The following PLD5 variants were observed in gnomAD, a reference collection of about 807,000 sequenced individuals.
The protein encoded by PLD5 is inactive phospholipase D5.
PLD5 carries 36 observed loss-of-function variants against 61.1 expected under a neutral mutation model. The observed-to-expected ratio is 0.59, with a 90% CI of 0.45 to 0.78. The LOEUF (loss-of-function observed/expected upper bound fraction) is 0.78, where lower values mean the gene tolerates loss of function less well. Ranked by LOEUF, PLD5 falls within the 30% of genes least tolerant of loss-of-function variation. The pLI, the probability that PLD5 is intolerant of heterozygous loss-of-function variation, is 0.00. For missense variants in PLD5, 515 were observed against 644.4 expected (o/e 0.80, Z 2.17); for synonymous variants, 243 against 242.8 (o/e 1.00, Z -0.01).
chr1:242,149,384 A>C (rs1388342100), intron 5 of PLD5, among the ~76,000 whole-genome samples: 2 of 151,814 alleles, frequency 1.3e-5, no homozygotes, highest in African/African-American at 4.8e-5. Context: ...TTAATTTGCT[A>C]GTATGTTATT....
intron 4 of PLD5, among the ~76,000 whole-genome samples, chr1:242,242,750 T>C (rs1212483072): frequency 1.3e-5 from 2 of 152,248 alleles, no homozygotes; most frequent in African/African-American, 4.8e-5. Context: ...GTTGGAACTA[T>C]CACTAACTAT....
chr1:242,257,034 TACCTTCTA>T (rs1024878305), intron 4 of PLD5, among the ~76,000 whole-genome samples: 1 of 114,472 alleles, frequency 8.7e-6, no homozygotes, highest in South Asian at 3.1e-4. Context: ...TCTACCTACC[TACCTTCTA>T]TCTATCTATC....
At chr1:242,148,442 T>C (rs1203387975) in intron 5 of PLD5, among the ~76,000 whole-genome samples, 1 of 151,364 alleles carries the variant, frequency 6.6e-6, no homozygotes. Flanking sequence ...TTTCTTCTTC[T>C]ATTTCAAAAT....
chr1:242,272,257 T>C (rs1397605229), intron 3 of PLD5, among the ~76,000 whole-genome samples: 1 of 152,070 alleles, frequency 6.6e-6, no homozygotes, highest in South Asian at 2.1e-4. Flanking sequence ...CAACTAAATA[T>C]ATAAAGCAAA....
At chr1:242,146,635 T>G (rs1013795485) in intron 5 of PLD5, among the ~76,000 whole-genome samples, 3 of 152,124 alleles carry the variant, frequency 2.0e-5, no homozygotes, top group Admixed American at 6.5e-5. Flanking sequence ...TTTTCTAGAG[T>G]TATTTTTATG....
intron 1 of PLD5, among the ~76,000 whole-genome samples, chr1:242,401,448 T>C (rs749909278): frequency 6.6e-6 from 1 of 152,092 alleles, no homozygotes; most frequent in Non-Finnish European, 1.5e-5. Context: ...CTTCCCATCA[T>C]ACTTGGGATT....
intron 1 of PLD5, among the ~76,000 whole-genome samples, chr1:242,444,818 CT>C (rs1666454624): frequency 6.7e-6 from 1 of 149,302 alleles, no homozygotes; most frequent in Non-Finnish European, 1.5e-5. Flanking sequence ...CCTCATTGGA[CT>C]TTGGGAACAG....
chr1:242,413,423 T>A (rs914041038), intron 1 of PLD5, among the ~76,000 whole-genome samples: 2 of 152,148 alleles, frequency 1.3e-5, no homozygotes, highest in South Asian at 4.1e-4. Context: ...TCTCACAAGA[T>A]GTTCACAGAC....
chr1:242,365,681 G>C (rs919207486), intron 1 of PLD5: 4 of 190,762 alleles, frequency 2.1e-5, no homozygotes, highest in Non-Finnish European at 4.3e-5. Context: ...GTGACTGTTG[G>C]CCATGTAAAT....
At chr1:242,440,550 T>C (rs903580246) in intron 1 of PLD5, among the ~76,000 whole-genome samples, 1 of 152,224 alleles carries the variant, frequency 6.6e-6, no homozygotes, top group African/African-American at 2.4e-5. Context: ...CTAATGCAGT[T>C]AACCAATTAT....
At chr1:242,171,313 T>C (rs1666732103) in intron 5 of PLD5, among the ~76,000 whole-genome samples, 1 of 152,028 alleles carries the variant, frequency 6.6e-6, no homozygotes, top group Admixed American at 6.6e-5. Context: ...AGAAATAAAA[T>C]CCTTTACAGA....
intron 5 of PLD5, among the ~76,000 whole-genome samples, chr1:242,207,778 A>ATATATT (rs1343129071): frequency 1.0e-5 from 1 of 99,884 alleles, no homozygotes; most frequent in Non-Finnish European, 1.7e-5. Flanking sequence ...ATATATTTAT[A>ATATATT]TATATTTATA....
At chr1:242,245,956 A>C (rs986629411) in intron 4 of PLD5, among the ~76,000 whole-genome samples, 5 of 152,122 alleles carry the variant, frequency 3.3e-5, no homozygotes, top group Admixed American at 2.6e-4. Flanking sequence ...TCTTTGAAAA[A>C]TGTTTTAAAG....
chr1:242,276,790 G>A (rs563888121), intron 3 of PLD5, among the ~76,000 whole-genome samples: 3 of 151,978 alleles, frequency 2.0e-5, no homozygotes, highest in African/African-American at 4.8e-5. Context: ...AGTATCTGGC[G>A]TGGAGGCATG....
At chr1:242,109,878 C>T (rs115554868) in intron 7 of PLD5, among the ~76,000 whole-genome samples, 1,882 of 151,928 alleles carry the variant, frequency 0.012, 38 homozygotes, top group African/African-American at 0.043. Context: ...GTGATCATTG[C>T]ACCTCTAAAG....
intron 3 of PLD5, among the ~76,000 whole-genome samples, chr1:242,275,892 G>A (rs1674384957): frequency 6.6e-6 from 1 of 152,204 alleles, no homozygotes; most frequent in South Asian, 2.1e-4. Flanking sequence ...TGGACCCTCT[G>A]AAGCATTTAA....
chr1:242,276,823 T>A (rs1370254790), intron 3 of PLD5, among the ~76,000 whole-genome samples: 1 of 152,052 alleles, frequency 6.6e-6, no homozygotes, highest in Non-Finnish European at 1.5e-5. Flanking sequence ...CCATTCATCA[T>A]AACAGGCTCC....
intron 2 of PLD5, among the ~76,000 whole-genome samples, chr1:242,298,106 CTTTTTA>C (rs1179649438): frequency 6.6e-6 from 1 of 151,876 alleles, no homozygotes; most frequent in Admixed American, 6.6e-5. Flanking sequence ...CAGATGTTTC[CTTTTTA>C]TTAGCTTTTA....
chr1:242,181,114 A>G (rs1418622499), intron 5 of PLD5, among the ~76,000 whole-genome samples: 1 of 152,242 alleles, frequency 6.6e-6, no homozygotes, highest in Non-Finnish European at 1.5e-5. Flanking sequence ...CAGTGCTTCT[A>G]GACTTTAACA....
Sources: allele counts gnomAD v4.1 joint callset (sites outside exome capture counted in the v4.1 genomes callset), GRCh38; gene constraint gnomAD v4.1.1; transcripts MANE v1.5; gene names NCBI Gene and HGNC (gene_info 2026-07-23, HGNC 2026-07-21).